The following BBS4 variants were observed in gnomAD, a reference collection of about 807,000 sequenced individuals.
The protein encoded by BBS4 is BBSome complex member BBS4.
In BBS4, 58 loss-of-function variants were observed where a neutral mutation model predicts 71.4. The ratio of observed to expected loss-of-function variants is 0.81; its 90% CI spans 0.66 to 1.01. The LOEUF is 1.01. BBS4 is among the 50% of genes least tolerant of loss of function. The pLI is 0.00. For synonymous variants in BBS4, 228 were observed against 216.8 expected (o/e 1.05, Z -0.46); for missense variants, 660 against 607.9 (o/e 1.09, Z -0.90).
At chr15:72,701,712 TTTTG>T (rs749751446) in intron 2 of BBS4, among the ~76,000 whole-genome samples, 36 of 152,196 alleles carry the variant, frequency 2.4e-4, no homozygotes, top group Non-Finnish European at 4.1e-4. Context: ...GCCCTTTGAA[TTTTG>T]TTTTACTGTA....
At chr15:72,715,508 G>GCC in intron 5 of BBS4, 106 bp downstream of exon 5, 1 of 802,562 alleles carries the variant, frequency 1.2e-6, no homozygotes, top group Middle Eastern at 2.4e-4. Flanking sequence ...TGATACACAA[G>GCC]TGGGGGAATG....
At chr15:72,700,138 C>T (rs1289435441) in intron 2 of BBS4, among the ~76,000 whole-genome samples, 1 of 152,132 alleles carries the variant, frequency 6.6e-6, no homozygotes, top group Admixed American at 6.5e-5. Context: ...CGGGATTTCA[C>T]CATATTAGCC....
chr15:72,725,083 G>GAGAGAC (rs1262625029), intron 8 of BBS4, among the ~76,000 whole-genome samples: 1 of 151,208 alleles, frequency 6.6e-6, no homozygotes, highest in Non-Finnish European at 1.5e-5. Flanking sequence ...GAGAGAGAGA[G>GAGAGAC]ACATGATCTT....
chr15:72,732,040 C>T (rs1305476437), intron 12 of BBS4, among the ~76,000 whole-genome samples: 1 of 152,184 alleles, frequency 6.6e-6, no homozygotes, highest in African/African-American at 2.4e-5. Context: ...AAGTTCCAGA[C>T]AGCAAGTGTT....
chr15:72,733,608 GTTC>G (rs1160990107), intron 12 of BBS4, among the ~76,000 whole-genome samples: 6 of 152,138 alleles, frequency 3.9e-5, no homozygotes, highest in Admixed American at 3.3e-4. Context: ...ACACGATCTT[GTTC>G]TTTTGTATGG....
intron 13 of BBS4, 188 bp downstream of exon 13, chr15:72,735,370 C>G (rs889434176): frequency 1.6e-6 from 1 of 633,834 alleles, no homozygotes; most frequent in Non-Finnish European, 2.9e-6. Flanking sequence ...AATTGACACT[C>G]TGAGAAAATG....
chr15:72,723,152 A>G (rs1409546556), intron 7 of BBS4, among the ~76,000 whole-genome samples: 3 of 152,154 alleles, frequency 2.0e-5, no homozygotes, highest in Admixed American at 1.3e-4. Flanking sequence ...TAAAACATAC[A>G]TATCAAAAAG....
intron 2 of BBS4, among the ~76,000 whole-genome samples, chr15:72,701,991 C>A (rs534965498): frequency 6.6e-6 from 1 of 151,736 alleles, no homozygotes; most frequent in East Asian, 1.9e-4. Context: ...GTGTGTGCCA[C>A]CAGGCCCAGC....
chr15:72,686,528 C>T (rs1408463226), intron 1 of BBS4: 2 of 1,498,158 alleles, frequency 1.3e-6, no homozygotes, highest in South Asian at 2.4e-5. Context: ...TGGCTCTTAC[C>T]GTAGTGCCAT....
chr15:72,712,158 C>T (rs2065384491), intron 3 of BBS4, 86 bp from the exon 4 acceptor site: 1 of 1,246,538 alleles, frequency 8.0e-7, no homozygotes, highest in Non-Finnish European at 1.2e-6. Context: ...TGAGCCACCG[C>T]ACCTGGCCTG....
intron 9 of BBS4, 95 bp from the exon 10 acceptor site, chr15:72,729,521 A>AT: frequency 1.7e-6 from 2 of 1,156,986 alleles, no homozygotes; most frequent in Non-Finnish European, 2.6e-6. Flanking sequence ...AAGTGCTGGG[A>AT]TTATAGGCAT....
At chr15:72,734,937 C>A in intron 12 of BBS4, 176 bp from the exon 13 acceptor site, 1 of 629,010 alleles carries the variant, frequency 1.6e-6, no homozygotes, top group Non-Finnish European at 2.9e-6. Flanking sequence ...TGCATAGAAC[C>A]TGGCAACTGA....
rs368144793 is a variant in BBS4, at chr15:72,731,653, A to G, written c.963A>G (p.Ala321=). 23 of 1,614,112 alleles carry G rather than the reference A, an allele frequency of 1.4e-5. No individual in the cohort carries two copies. The highest frequency in any genetic ancestry group is 4.0e-5 in the African/African-American group (3 of 74,936). The change falls in exon 12 of 16, where the codon GCA becomes GCG. Residue 321 remains alanine (A), a synonymous_variant. Transcript: ENST00000268057. ...GLVHLTMQQY[A]SAFHFLSAAI... ...TCCATTTGACCATGCAGCAGTATGC[A>G]TCAGCTTTTCATTTTCTCAGTGCGG...
chr15:72,702,353 C>G (rs1208433276), intron 2 of BBS4, among the ~76,000 whole-genome samples: 1 of 152,008 alleles, frequency 6.6e-6, no homozygotes, highest in Non-Finnish European at 1.5e-5. Context: ...TAATTTCCTC[C>G]TTTATAATGT....
At chr15:72,730,266 G>A (rs377311279) in intron 10 of BBS4, among the ~76,000 whole-genome samples, 7 of 143,314 alleles carry the variant, frequency 4.9e-5, no homozygotes, top group East Asian at 4.0e-4. Flanking sequence ...GTGACAGAGC[G>A]AGACTCTGTC....
Position 72,736,943 on chromosome 15 carries a change from C to T in BBS4, c.1430C>T (p.Ala477Val), listed in dbSNP as rs1339638149. Residue 477 changes from alanine (A) to valine (V), a missense_variant, in exon 15 of 16, where the codon GCA becomes GTA. Transcript: ENST00000268057. ...ALGQAMSSAAAYRTLPSGAGG... is the reference protein window; with the variant it reads ...ALGQAMSSAAVYRTLPSGAGG... Reference sequence around the variant, plus strand: ...GGACAGGCAATGTCTTCAGCAGCTGCATACAGGACGCTCCCCTCAGGTAGG... The same window carrying T: ...GGACAGGCAATGTCTTCAGCAGCTGTATACAGGACGCTCCCCTCAGGTAGG... 13 of 1,614,044 alleles carry T rather than the reference C, an allele frequency of 8.1e-6. No homozygotes were observed. The highest frequency in any genetic ancestry group is 6.7e-5 in the Admixed American group (4 of 60,010).
At chr15:72,688,372 A>T (rs950328247) in intron 1 of BBS4, among the ~76,000 whole-genome samples, 1 of 145,282 alleles carries the variant, frequency 6.9e-6, no homozygotes, top group Non-Finnish European at 1.5e-5. Flanking sequence ...CAATGCATGG[A>T]AATGTGAATT....
At chr15:72,687,253 A>C (rs2150985733) in intron 1 of BBS4, among the ~76,000 whole-genome samples, 1 of 150,702 alleles carries the variant, frequency 6.6e-6, no homozygotes, top group East Asian at 2.0e-4. Context: ...GGATTAGCTG[A>C]GAATACAGGC....
At chr15:72,701,643 A>G (rs2065171133) in intron 2 of BBS4, among the ~76,000 whole-genome samples, 2 of 152,146 alleles carry the variant, frequency 1.3e-5, no homozygotes, top group Admixed American at 6.5e-5. Context: ...TACTCAAGAA[A>G]TGCTTCACCT....
Sources: gnomAD v4.1 joint callset for allele counts (sites outside exome capture counted in the v4.1 genomes callset) on GRCh38, gnomAD v4.1.1 for gene constraint, MANE v1.5 for transcripts, NCBI Gene and HGNC (gene_info 2026-07-23, HGNC 2026-07-21) for gene names.